SLC13A4: variants seen among roughly 807,000 people sequenced by gnomAD.
SLC13A4 encodes Na(+)/sulfate cotransporter SUT-1.
SLC13A4 carries 28 observed loss-of-function variants against 72.7 expected under a neutral mutation model. The observed-to-expected ratio is 0.39, with a 90% CI of 0.29 to 0.53. SLC13A4 has a LOEUF of 0.53. Among genes scored for constraint, SLC13A4 ranks in the 20% least tolerant of loss-of-function variants. The probability of loss-of-function intolerance (pLI) is 0.78; values close to 1 mark genes in which losing one functional copy is unlikely to be tolerated. For missense variants in SLC13A4, 653 were observed against 788.0 expected (o/e 0.83, Z 2.05); for synonymous variants, 312 against 325.5 (o/e 0.96, Z 0.45).
chr7:135,716,831 A>G (rs1185896680), intron 2 of SLC13A4, among the ~76,000 whole-genome samples: 2 of 152,222 alleles, frequency 1.3e-5, no homozygotes, highest in Non-Finnish European at 2.9e-5. Context: ...ATTAAGTTAT[A>G]TAGTGTGTGT....
intron 14 of SLC13A4, among the ~76,000 whole-genome samples, 153 bp from the exon 15 acceptor site, chr7:135,684,414 G>A (rs1462728578): frequency 6.6e-6 from 1 of 152,362 alleles, no homozygotes; most frequent in African/African-American, 2.4e-5. Context: ...TCTGGGGCAT[G>A]CAGTCCCTTG....
At chr7:135,698,040 A>G (rs1795942649) in intron 8 of SLC13A4, among the ~76,000 whole-genome samples, 1 of 151,418 alleles carries the variant, frequency 6.6e-6, no homozygotes. Context: ...TTATTTATCT[A>G]TTTATTTTTT....
rs535933205 is a variant in SLC13A4, at chr7:135,711,524, C to T, written c.229-3274G>A. 3.3e-4 allele frequency among the ~76,000 whole-genome samples: 51 copies of T among 152,308 alleles called. No individual in the cohort carries two copies. In the South Asian group the frequency reaches 9.5e-3, roughly 28 times the overall value. ...TCCACAGCAGTGCTATGAAGCAGCACTATCCGTATCTCAGTTTACTGATGA... is the reference window on the plus strand; with the variant it reads ...TCCACAGCAGTGCTATGAAGCAGCATTATCCGTATCTCAGTTTACTGATGA... On this transcript the variant is annotated intron_variant, in intron 2 of 15. Transcript: ENST00000682651.
At chr7:135,708,917 A>ATTTT (rs59407311) in intron 2 of SLC13A4, among the ~76,000 whole-genome samples, 3 of 71,446 alleles carry the variant, frequency 4.2e-5, no homozygotes, top group Non-Finnish European at 7.3e-5. Flanking sequence ...GTCTTGCTCA[A>ATTTT]TTTTTTTTTT....
chr7:135,711,171 G>A (rs1016531604), intron 2 of SLC13A4, among the ~76,000 whole-genome samples: 1 of 152,172 alleles, frequency 6.6e-6, no homozygotes, highest in Non-Finnish European at 1.5e-5. Context: ...GTCTACCGAG[G>A]AGAGAAACCC....
chr7:135,714,937 G>T (rs1796380213), intron 2 of SLC13A4, among the ~76,000 whole-genome samples: 1 of 152,192 alleles, frequency 6.6e-6, no homozygotes, highest in African/African-American at 2.4e-5. Flanking sequence ...GAGACCGCTG[G>T]CTGGGCCCAG....
chr7:135,692,242 C>T, intron 11 of SLC13A4, 81 bp downstream of exon 11: 1 of 955,460 alleles, frequency 1.0e-6, no homozygotes, highest in Non-Finnish European at 1.7e-6. Context: ...GGCTTCATAT[C>T]TGCCCCTGAG....
At chr7:135,684,514 T>G (rs948625928) in intron 14 of SLC13A4, among the ~76,000 whole-genome samples, 1 of 152,172 alleles carries the variant, frequency 6.6e-6, no homozygotes. Flanking sequence ...ATTTTTTTGG[T>G]GTTATTCTAA....
intron 13 of SLC13A4, among the ~76,000 whole-genome samples, chr7:135,690,180 C>CAAAA (rs57390577): frequency 3.4e-5 from 1 of 29,608 alleles, no homozygotes; most frequent in Non-Finnish European, 7.2e-5. Context: ...GACTCTGTCT[C>CAAAA]AAAAAAAAAA....
intron 2 of SLC13A4, among the ~76,000 whole-genome samples, chr7:135,713,419 G>A (rs145754434): frequency 2.0e-4 from 31 of 152,198 alleles, no homozygotes; most frequent in African/African-American, 7.5e-4. Context: ...GTTCAGATGA[G>A]TTACCTGCTA....
chr7:135,697,317 C>T (rs1215685150), intron 8 of SLC13A4, among the ~76,000 whole-genome samples: 1 of 152,246 alleles, frequency 6.6e-6, no homozygotes, highest in Non-Finnish European at 1.5e-5. Context: ...CTCTATGCCA[C>T]TTTTTCCAAC....
Position 135,708,231 on chromosome 7 carries a change from T to C in SLC13A4, c.248A>G (p.Lys83Arg). The change falls in exon 3 of 16, where the codon AAG becomes AGG. Residue 83 changes from lysine (K) to arginine (R), a missense_variant. By Grantham distance (26) the Lys-to-Arg change is conservative (BLOSUM62 2). Coordinates refer to ENST00000682651, the MANE Select transcript of SLC13A4 (RefSeq NM_001318192.2). ...CCCCACCAGCAGCAGCGTGGTGTTC[T>C]TGAAGTACTCCGCCGCCACCTGTAG... is the stretch of plus-strand genomic sequence containing the variant. The part of the protein sequence containing the change: ...RSNEVAAEYF[K>R]NTTLLLVGVI... The C allele has an allele frequency of 6.2e-7, 1 of 1,614,246 alleles. No homozygotes were observed. The highest frequency in any genetic ancestry group is 8.5e-7 in the Non-Finnish European group (1 of 1,180,036).
At chr7:135,685,390 C>T (rs1795597380) in intron 14 of SLC13A4, 132 bp downstream of exon 14, 2 of 668,416 alleles carry the variant, frequency 3.0e-6, no homozygotes, top group Admixed American at 2.7e-5. Flanking sequence ...AGGAATTGAA[C>T]ACCAATTAGT....
intron 3 of SLC13A4, chr7:135,707,321 TA>T (rs1796186863): frequency 6.6e-6 from 1 of 152,110 alleles, no homozygotes; most frequent in Non-Finnish European, 1.5e-5. Context: ...ATTACTGAGT[TA>T]GGGGGTGGAT....
At chr7:135,693,234 C>T (rs942628847) in intron 10 of SLC13A4, 2 of 150,884 alleles carry the variant, frequency 1.3e-5, no homozygotes, top group African/African-American at 4.9e-5. Context: ...ACACTGAATA[C>T]ATTTTGATAC....
At chr7:135,685,205 G>A (rs1795594173) in intron 14 of SLC13A4, among the ~76,000 whole-genome samples, 1 of 152,092 alleles carries the variant, frequency 6.6e-6, no homozygotes, top group South Asian at 2.1e-4. Context: ...ATGATTGCGG[G>A]GAATTGAAAT....
intron 13 of SLC13A4, among the ~76,000 whole-genome samples, chr7:135,686,384 A>G (rs1334019855): frequency 6.6e-6 from 1 of 151,956 alleles, no homozygotes; most frequent in Non-Finnish European, 1.5e-5. Flanking sequence ...TTTTTTTTTA[A>G]TTAAGAGGAG....
At chr7:135,691,435 G>A in intron 12 of SLC13A4, 110 bp from the exon 13 acceptor site, 1 of 853,886 alleles carries the variant, frequency 1.2e-6, no homozygotes, top group Non-Finnish European at 1.8e-6. Flanking sequence ...TTTGGGGCGG[G>A]GGCCGGGAGG....
intron 1 of SLC13A4, among the ~76,000 whole-genome samples, chr7:135,725,637 A>C (rs182423632): frequency 2.6e-5 from 4 of 152,114 alleles, no homozygotes; most frequent in Admixed American, 2.6e-4. Context: ...AGAGCAAGAA[A>C]ATCCATTTGG....
Sources: allele counts gnomAD v4.1 joint callset (sites outside exome capture counted in the v4.1 genomes callset), GRCh38; gene constraint gnomAD v4.1.1; transcripts MANE v1.5; gene names NCBI Gene and HGNC (gene_info 2026-07-23, HGNC 2026-07-21).